Variants in ALK observed in about 807,000 individuals in gnomAD.
ALK encodes ALK receptor tyrosine kinase.
A neutral mutation model predicts 163.1 loss-of-function variants in ALK; 74 were observed. The observed-to-expected ratio is 0.45, with a 90% CI of 0.38 to 0.55. The LOEUF (loss-of-function observed/expected upper bound fraction) is 0.55, where lower values mean the gene tolerates loss of function less well. ALK is among the 20% of genes least tolerant of loss of function. The pLI, the probability that ALK is intolerant of heterozygous loss-of-function variation, is 0.00. For synonymous variants in ALK, 960 were observed against 843.2 expected (o/e 1.14, Z -2.40); for missense variants, 2,063 against 2,105.3 (o/e 0.98, Z 0.39).
At chr2:29,616,102 C>T (rs1245491006) in intron 3 of ALK, among the ~76,000 whole-genome samples, 1 of 152,328 alleles carries the variant, frequency 6.6e-6, no homozygotes, top group African/African-American at 2.4e-5. Flanking sequence ...GCGGACCTCA[C>T]GGAGTCACAG....
intron 1 of ALK, among the ~76,000 whole-genome samples, chr2:29,753,063 G>A (rs770359916): frequency 6.6e-6 from 1 of 152,120 alleles, no homozygotes; most frequent in Non-Finnish European, 1.5e-5. Context: ...ACTCAGAAAA[G>A]GCCTTTGAAT....
At chr2:29,811,852 C>A (rs914342953) in intron 1 of ALK, among the ~76,000 whole-genome samples, 2 of 152,156 alleles carry the variant, frequency 1.3e-5, no homozygotes, top group Non-Finnish European at 2.9e-5. Context: ...TCTGTCTACG[C>A]CCCTTCCAGT....
Position 29,611,479 on chromosome 2 carries a change from C to T in ALK, c.953-79363G>A, listed in dbSNP as rs575900422. Among the ~76,000 whole-genome samples, 8 of 152,256 alleles carry T rather than the reference C, an allele frequency of 5.3e-5. No individual in the cohort carries two copies. In the South Asian group the frequency reaches 8.3e-4, roughly 16 times the overall value. Reference sequence around the variant, plus strand: ...GTAGAGTTTTAAATCCCTGGCTTTCCGTGTGCTTGTTTGTTTGCTGTTAAC... The same window carrying T: ...GTAGAGTTTTAAATCCCTGGCTTTCTGTGTGCTTGTTTGTTTGCTGTTAAC... On this transcript the variant is annotated intron_variant, in intron 3 of 28. Coordinates refer to ENST00000389048, the MANE Select transcript of ALK (RefSeq NM_004304.5).
At chr2:29,814,745 A>G (rs1295399253) in intron 1 of ALK, among the ~76,000 whole-genome samples, 5 of 151,980 alleles carry the variant, frequency 3.3e-5, no homozygotes, top group African/African-American at 4.8e-5. Flanking sequence ...TAGTTGCATG[A>G]ATTTGACCAT....
intron 1 of ALK, among the ~76,000 whole-genome samples, chr2:29,749,731 T>G (rs1680303758): frequency 6.6e-6 from 1 of 152,092 alleles, no homozygotes; most frequent in Admixed American, 6.5e-5. Context: ...TTAGCCCACA[T>G]AAGGCAACTT....
intron 24 of ALK, among the ~76,000 whole-genome samples, chr2:29,213,492 C>T (rs1174488231): frequency 6.6e-6 from 1 of 152,212 alleles, no homozygotes; most frequent in Non-Finnish European, 1.5e-5. Context: ...TTAACTTCCC[C>T]ATAAGGAGCC....
At chr2:29,514,870 G>T (rs1672620693) in intron 4 of ALK, among the ~76,000 whole-genome samples, 1 of 152,116 alleles carries the variant, frequency 6.6e-6, no homozygotes, top group African/African-American at 2.4e-5. Flanking sequence ...GTGCTGCAAA[G>T]GTCTGGGGTT....
At chr2:29,656,374 C>T (rs971867898) in intron 3 of ALK, among the ~76,000 whole-genome samples, 2 of 152,068 alleles carry the variant, frequency 1.3e-5, no homozygotes, top group Admixed American at 1.3e-4. Flanking sequence ...ACATTTCTAT[C>T]CCACAGGACA....
At chr2:29,910,921 A>T (rs1414704191) in intron 1 of ALK, among the ~76,000 whole-genome samples, 2 of 152,234 alleles carry the variant, frequency 1.3e-5, no homozygotes, top group Non-Finnish European at 2.9e-5. Flanking sequence ...AAATAAGCCC[A>T]CAAAGTCCTG....
intron 5 of ALK, among the ~76,000 whole-genome samples, chr2:29,370,640 A>C (rs1174393295): frequency 6.6e-6 from 1 of 152,256 alleles, no homozygotes; most frequent in Non-Finnish European, 1.5e-5. Flanking sequence ...AGTTTCCAGG[A>C]AGAAGCTTCT....
intron 1 of ALK, among the ~76,000 whole-genome samples, chr2:29,879,023 T>C (rs374353574): frequency 6.6e-6 from 1 of 151,654 alleles, no homozygotes; most frequent in Non-Finnish European, 1.5e-5. Context: ...TGCCAGGGAG[T>C]GTCAGTCAGC....
intron 4 of ALK, among the ~76,000 whole-genome samples, chr2:29,516,523 A>G (rs1482188457): frequency 6.6e-6 from 1 of 152,140 alleles, no homozygotes; most frequent in Non-Finnish European, 1.5e-5. Context: ...TGCATCTGGC[A>G]TGTCACCTGC....
chr2:29,553,336 G>A (rs112728901), intron 3 of ALK, among the ~76,000 whole-genome samples: 1 of 152,242 alleles, frequency 6.6e-6, no homozygotes, highest in Middle Eastern at 3.4e-3. Context: ...AGACACTAAC[G>A]GTCTCAGTGC....
At chr2:29,560,933 T>C (rs1674005569) in intron 3 of ALK, among the ~76,000 whole-genome samples, 1 of 152,120 alleles carries the variant, frequency 6.6e-6, no homozygotes, top group Admixed American at 6.5e-5. Context: ...CAAGTAAATT[T>C]TATAGTATAC....
chr2:29,748,659 G>A (rs764457558), intron 1 of ALK, among the ~76,000 whole-genome samples: 5 of 152,138 alleles, frequency 3.3e-5, no homozygotes, highest in Non-Finnish European at 7.4e-5. Flanking sequence ...AAACTGAAAT[G>A]GGACCATAGT....
At chr2:29,743,713 G>A (rs1410558157) in intron 1 of ALK, among the ~76,000 whole-genome samples, 1 of 152,186 alleles carries the variant, frequency 6.6e-6, no homozygotes, top group East Asian at 1.9e-4. Context: ...CCCAACAGAT[G>A]GGGGCTTAAA....
chr2:29,403,684 C>G (rs1669504885), intron 4 of ALK, among the ~76,000 whole-genome samples: 1 of 124,340 alleles, frequency 8.0e-6, no homozygotes, highest in African/African-American at 3.3e-5. Context: ...GAGACCACCC[C>G]AGGCAACAGT....
chr2:29,774,329 G>A (rs535363591), intron 1 of ALK, among the ~76,000 whole-genome samples: 108 of 152,268 alleles, frequency 7.1e-4, no homozygotes, highest in African/African-American at 2.6e-3. Context: ...ACTCTAGAAG[G>A]ACAAGAATCC....
chr2:29,914,718 T>C (rs1572497680), intron 1 of ALK, among the ~76,000 whole-genome samples: 2 of 152,354 alleles, frequency 1.3e-5, no homozygotes, highest in East Asian at 1.9e-4. Flanking sequence ...GCCCTGGCTA[T>C]TGCCCACCAA....
Sources: allele counts gnomAD v4.1 joint callset (sites outside exome capture counted in the v4.1 genomes callset), GRCh38; gene constraint gnomAD v4.1.1; transcripts MANE v1.5; gene names NCBI Gene and HGNC (gene_info 2026-07-23, HGNC 2026-07-21).